The following PLA2G4A variants were observed in gnomAD, a reference collection of about 807,000 sequenced individuals.
PLA2G4A encodes the protein cytosolic phospholipase A2.
PLA2G4A carries 40 observed loss-of-function variants against 81.9 expected under a neutral mutation model. The observed-to-expected ratio is 0.49, with a 90% CI of 0.38 to 0.64. The LOEUF is 0.64. Among genes scored for constraint, PLA2G4A ranks in the 30% least tolerant of loss-of-function variants. The pLI is 0.00. For missense variants in PLA2G4A, 715 were observed against 905.1 expected (o/e 0.79, Z 2.69); for synonymous variants, 302 against 296.9 (o/e 1.02, Z -0.18).
chr1:186,955,983 G>C, intron 13 of PLA2G4A, 119 bp from the exon 14 acceptor site: 1 of 794,476 alleles, frequency 1.3e-6, no homozygotes. Context: ...CTCATGATCC[G>C]CCCGCCTTGG....
chr1:186,962,576 C>T (rs1040778042), intron 14 of PLA2G4A, among the ~76,000 whole-genome samples: 2 of 151,692 alleles, frequency 1.3e-5, no homozygotes, highest in African/African-American at 4.8e-5. Context: ...GGCTGCAGTG[C>T]AGCGGCGCGA....
chr1:186,867,149 A>C (rs1173985015), intron 2 of PLA2G4A, among the ~76,000 whole-genome samples: 2 of 151,282 alleles, frequency 1.3e-5, no homozygotes, highest in African/African-American at 4.9e-5. Flanking sequence ...CAGTCCTCTA[A>C]TTTTTTTCTT....
intron 16 of PLA2G4A, among the ~76,000 whole-genome samples, chr1:186,978,298 G>T (rs534263612): frequency 1.1e-3 from 169 of 152,036 alleles, no homozygotes; most frequent in Non-Finnish European, 2.2e-3. Flanking sequence ...TATCCAGAGG[G>T]GTCTCTCGAC....
intron 17 of PLA2G4A, among the ~76,000 whole-genome samples, chr1:186,979,943 C>CTTTTT (rs34029312): frequency 1.0e-3 from 99 of 98,804 alleles, no homozygotes; most frequent in East Asian, 2.0e-3. Context: ...ACAGCATTTC[C>CTTTTT]TTTTTTTTTT....
At chr1:186,912,459 T>A (rs1654981057) in intron 7 of PLA2G4A, among the ~76,000 whole-genome samples, 2 of 152,110 alleles carry the variant, frequency 1.3e-5, no homozygotes, top group Admixed American at 1.3e-4. Context: ...GTGCTCCACC[T>A]ATCATCTCTC....
intron 2 of PLA2G4A, among the ~76,000 whole-genome samples, chr1:186,858,386 T>C: frequency 6.6e-6 from 1 of 152,222 alleles, no homozygotes; most frequent in East Asian, 1.9e-4. Context: ...CATGTGTCTG[T>C]TGGCTGCATA....
chr1:186,891,437 C>T (rs1654138487), intron 3 of PLA2G4A, among the ~76,000 whole-genome samples: 1 of 151,916 alleles, frequency 6.6e-6, no homozygotes, highest in South Asian at 2.1e-4. Flanking sequence ...ATTAACCATC[C>T]CCACCTCCCC....
chr1:186,829,637 A>C (rs922687015), intron 1 of PLA2G4A, among the ~76,000 whole-genome samples: 3 of 152,182 alleles, frequency 2.0e-5, no homozygotes, highest in Admixed American at 6.5e-5. Flanking sequence ...CAAGAGAAAA[A>C]AAAAATCTCA....
At chr1:186,894,384 T>C (rs1369543912) in intron 5 of PLA2G4A, among the ~76,000 whole-genome samples, 173 bp downstream of exon 5, 2 of 152,204 alleles carry the variant, frequency 1.3e-5, no homozygotes, top group African/African-American at 2.4e-5. Flanking sequence ...TAAAAATTAT[T>C]CTGACATCTA....
intron 15 of PLA2G4A, among the ~76,000 whole-genome samples, chr1:186,971,467 T>C (rs1370801945): frequency 6.6e-6 from 1 of 152,026 alleles, no homozygotes; most frequent in Non-Finnish European, 1.5e-5. Context: ...ATTATTTATT[T>C]AGCATAACAT....
intron 2 of PLA2G4A, among the ~76,000 whole-genome samples, chr1:186,862,585 G>A (rs1264222127): frequency 1.3e-5 from 2 of 151,916 alleles, no homozygotes; most frequent in African/African-American, 2.4e-5. Flanking sequence ...CTCAAAATAG[G>A]GATAAAATAT....
intron 1 of PLA2G4A, among the ~76,000 whole-genome samples, chr1:186,838,491 A>G (rs1472287098): frequency 6.6e-6 from 1 of 152,156 alleles, no homozygotes. Context: ...AAATTGGCTG[A>G]TTTCCAGCTC....
intron 7 of PLA2G4A, among the ~76,000 whole-genome samples, chr1:186,917,050 A>G (rs1358442964): frequency 6.6e-6 from 1 of 152,116 alleles, no homozygotes; most frequent in South Asian, 2.1e-4. Context: ...CAGCGGCTGC[A>G]GGTTTCACAC....
intron 12 of PLA2G4A, among the ~76,000 whole-genome samples, chr1:186,949,279 AAAG>A (rs1656449916): frequency 6.6e-6 from 1 of 151,720 alleles, no homozygotes; most frequent in African/African-American, 2.4e-5. Context: ...AAGAAGAAAG[AAAG>A]AAGAAAAAGA....
chr1:186,870,715 A>AGATCACTTGGAGTC (rs1653232164), intron 3 of PLA2G4A, 199 bp downstream of exon 3: 1 of 1,561,118 alleles, frequency 6.4e-7, no homozygotes. Context: ...AAATTAGCCA[A>AGATCACTTGGAGTC]AGTGACAAAG....
chr1:186,895,527 G>A (rs1252404447), intron 5 of PLA2G4A, among the ~76,000 whole-genome samples: 2 of 152,214 alleles, frequency 1.3e-5, no homozygotes, highest in Non-Finnish European at 2.9e-5. Context: ...AAGGAATATA[G>A]AGAATAAGGT....
chr1:186,964,491 T>G (rs1383616370), intron 14 of PLA2G4A, among the ~76,000 whole-genome samples: 1 of 152,176 alleles, frequency 6.6e-6, no homozygotes, highest in Non-Finnish European at 1.5e-5. Flanking sequence ...CCCAGCCTGA[T>G]TCTGCCTTGG....
chr1:186,950,876 T>C, intron 13 of PLA2G4A, 148 bp downstream of exon 13: 1 of 666,284 alleles, frequency 1.5e-6, no homozygotes, highest in Non-Finnish European at 2.8e-6. Flanking sequence ...GAGAGAGGAT[T>C]GCATGTTGCA....
intron 14 of PLA2G4A, among the ~76,000 whole-genome samples, chr1:186,963,044 C>G (rs1657015002): frequency 6.6e-6 from 1 of 152,084 alleles, no homozygotes; most frequent in African/African-American, 2.4e-5. Context: ...AGATTGTTTC[C>G]TTATCTTTAA....
Sources: gnomAD v4.1 joint callset for allele counts (sites outside exome capture counted in the v4.1 genomes callset) on GRCh38, gnomAD v4.1.1 for gene constraint, MANE v1.5 for transcripts, NCBI Gene and HGNC (gene_info 2026-07-23, HGNC 2026-07-21) for gene names.